Variants in VAPB observed in about 807,000 individuals in gnomAD.
VAPB encodes VAMP associated protein B and C.
A neutral mutation model predicts 25.6 loss-of-function variants in VAPB; 7 were observed. The ratio of observed to expected loss-of-function variants is 0.27; its 90% CI spans 0.16 to 0.51. The LOEUF is 0.51. Ranked by LOEUF, VAPB falls within the 20% of genes least tolerant of loss-of-function variation. VAPB has a pLI of 0.97. For synonymous variants in VAPB, 112 were observed against 109.2 expected, an observed-to-expected ratio of 1.03 and a Z score of -0.16; for missense variants, 266 against 301.3, an observed-to-expected ratio of 0.88 and a Z score of 0.87.
chr20:58,427,543 C>T (rs1206805321), intron 2 of VAPB, among the ~76,000 whole-genome samples: 6 of 150,816 alleles, frequency 4.0e-5, no homozygotes, highest in African/African-American at 9.9e-5. Context: ...CATTATGATG[C>T]AGGCAAAAGT....
chr20:58,395,569 T>A (rs182158352), intron 1 of VAPB, among the ~76,000 whole-genome samples: 2 of 152,352 alleles, frequency 1.3e-5, no homozygotes, highest in Non-Finnish European at 1.5e-5. Flanking sequence ...CAAAGAGTGC[T>A]GAGTTCCATT....
intron 1 of VAPB, among the ~76,000 whole-genome samples, chr20:58,403,090 G>A (rs948680356): frequency 6.6e-6 from 1 of 152,172 alleles, no homozygotes; most frequent in Non-Finnish European, 1.5e-5. Context: ...TGTCGGCAGG[G>A]CCCGTTATGT....
intron 2 of VAPB, among the ~76,000 whole-genome samples, chr20:58,429,580 T>C (rs192364978): frequency 1.3e-5 from 2 of 152,236 alleles, no homozygotes; most frequent in East Asian, 1.9e-4. Context: ...TTTGTGGAGG[T>C]AGAGCAAGCA....
At chr20:58,439,111 T>A (rs1238987378) in intron 4 of VAPB, 86 bp downstream of exon 4, 1 of 1,310,192 alleles carries the variant, frequency 7.6e-7, no homozygotes, top group Non-Finnish European at 1.1e-6. Context: ...AAGATTTAAG[T>A]TGGCAAATTA....
At chr20:58,412,764 T>G (rs567034022) in intron 1 of VAPB, among the ~76,000 whole-genome samples, 39 of 152,292 alleles carry the variant, frequency 2.6e-4, no homozygotes, top group African/African-American at 9.1e-4. Context: ...TTTAAATTAT[T>G]CTTTTGTAAA....
At position 58,450,793 on chromosome 20, in the gene VAPB, G is replaced by A. The variant is rs1359611416; in HGVS notation, c.*6558G>A. On this transcript the variant is annotated 3_prime_UTR_variant, in exon 6 of 6. Transcript: ENST00000475243. ...TTAGTTTTCATAATTTGTCCTTTAT[G>A]TATTTTTCATTGTATTTGCTGTTTT... 8 of 453,956 alleles carry A rather than the reference G, an allele frequency of 1.8e-5. No individual in the cohort carries two copies. The highest frequency in any genetic ancestry group is 1.6e-4 in the African/African-American group (8 of 49,992). 28.1% of individuals were successfully genotyped at this position (453,956 alleles called of 1,614,324 possible).
chr20:58,396,091 C>A (rs1426193123), intron 1 of VAPB, among the ~76,000 whole-genome samples: 1 of 151,106 alleles, frequency 6.6e-6, no homozygotes, highest in Non-Finnish European at 1.5e-5. Context: ...ATGGCATAGT[C>A]CCGTGAGAAA....
rs570273544 is a variant in VAPB at position 58,434,668 on chromosome 20, T to C, written c.278T>C (p.Met93Thr). The C allele has an allele frequency of 5.6e-6, 9 of 1,597,068 alleles. No individual in the cohort carries two copies. The African/African-American group carries it at 8.0e-5, about 14-fold the overall frequency. The change falls in exon 3 of 6, where the codon ATG becomes ACG. Residue 93 changes from methionine (M) to threonine (T), a missense_variant. Met to Thr is a moderately conservative substitution (Grantham distance 81). Around this residue, in one of 3 missense-constraint regions of VAPB, gnomAD observed 98 missense variants for 147.1 expected, o/e 0.67. Coordinates refer to ENST00000475243, the MANE Select transcript of VAPB (RefSeq NM_004738.5). Reference protein sequence around the residue: ...KSKHKFMVQSMFAPTDTSDME... With the variant: ...KSKHKFMVQSTFAPTDTSDME... Reference sequence around the variant, plus strand: ...AAACACAAGTTTATGGTTCAGTCTATGTTTGCTCCAACTGACACTTCAGAT... The same window carrying C: ...AAACACAAGTTTATGGTTCAGTCTACGTTTGCTCCAACTGACACTTCAGAT...
chr20:58,409,902 T>TACACACACACACAC (rs879524307), intron 1 of VAPB, among the ~76,000 whole-genome samples: 2 of 120,124 alleles, frequency 1.7e-5, no homozygotes. Context: ...TCTTTATTCA[T>TACACACACACACAC]ATACACACAC....
chr20:58,431,010 T>G (rs1988915723), intron 2 of VAPB: 1 of 152,250 alleles, frequency 6.6e-6, no homozygotes, highest in African/African-American at 2.4e-5. Flanking sequence ...GATATGTAGT[T>G]GGAAAAGGGG....
At chr20:58,424,231 G>C (rs546969891) in intron 2 of VAPB, among the ~76,000 whole-genome samples, 262 of 152,186 alleles carry the variant, frequency 1.7e-3, no homozygotes, top group Non-Finnish European at 3.2e-3. Context: ...CTCCAGTCTT[G>C]AATCTTGTCT....
At chr20:58,430,444 TAG>T (rs1162770168) in intron 2 of VAPB, among the ~76,000 whole-genome samples, 2 of 152,098 alleles carry the variant, frequency 1.3e-5, no homozygotes, top group Non-Finnish European at 2.9e-5. Flanking sequence ...GTATTTTCAG[TAG>T]AGACAGGTTT....
In VAPB at chr20:58,449,584, C is replaced by G; in HGVS notation, c.*5349C>G. 1 of 453,962 alleles carries G rather than the reference C, an allele frequency of 2.2e-6. No individual in the cohort carries two copies. The highest frequency in any genetic ancestry group is 4.4e-6 in the Non-Finnish European group (1 of 226,772). The allele number at this position is 453,962 out of a possible 1,614,324, so 28.1% of individuals were successfully genotyped here. A position where few individuals can be genotyped will look rare whatever the true frequency, so the allele number is the denominator to read the frequency against. ...GCAGTTATGATACCTTGGAATGTTG[C>G]CACGATATGGATTGCTTTGATTAAA... On this transcript the variant is annotated 3_prime_UTR_variant, in exon 6 of 6. Transcript: ENST00000475243.
At position 58,448,269 on chromosome 20, in the gene VAPB, G is replaced by C. The variant is rs952082210; in HGVS notation, c.*4034G>C. 2.0e-5 allele frequency: 9 copies of C among 453,954 alleles called. No individual in the cohort carries two copies. Among genetic ancestry groups the C allele is most frequent in the African/African-American group, 1.8e-4 (9 of 50,000 alleles). The allele number at this position is 453,954 out of a possible 1,614,324, so 28.1% of individuals were successfully genotyped here. ...CTTCTGGAACACCAAGAGCAGCTCT[G>C]AGATCATGCTGGCCCTACGCGAATT... is the stretch of plus-strand genomic sequence containing the variant. On this transcript the variant is annotated 3_prime_UTR_variant, in exon 6 of 6. Transcript: ENST00000475243.
intron 2 of VAPB, among the ~76,000 whole-genome samples, chr20:58,428,066 G>A (rs1481863982): frequency 6.6e-6 from 1 of 152,206 alleles, no homozygotes; most frequent in Non-Finnish European, 1.5e-5. Context: ...TGGGTTCTCA[G>A]AAGCAGCATT....
chr20:58,392,768 T>A (rs1987839138), intron 1 of VAPB, among the ~76,000 whole-genome samples: 1 of 152,252 alleles, frequency 6.6e-6, no homozygotes, highest in Non-Finnish European at 1.5e-5. Context: ...GATTGTATAT[T>A]GTCAGACTCT....
At chr20:58,390,990 G>A (rs953819755) in intron 1 of VAPB, among the ~76,000 whole-genome samples, 1 of 152,168 alleles carries the variant, frequency 6.6e-6, no homozygotes, top group African/African-American at 2.4e-5. Context: ...CAAACCTACC[G>A]TGGATTGTAA....
intron 2 of VAPB, among the ~76,000 whole-genome samples, chr20:58,418,931 G>T (rs1988609755): frequency 6.6e-6 from 1 of 152,164 alleles, no homozygotes; most frequent in Admixed American, 6.5e-5. Flanking sequence ...TCTTCTGTCT[G>T]GGAGTGCATG....
intron 2 of VAPB, among the ~76,000 whole-genome samples, chr20:58,421,323 C>T (rs1014943647): frequency 2.0e-5 from 3 of 152,126 alleles, no homozygotes; most frequent in Non-Finnish European, 4.4e-5. Flanking sequence ...TGACAAAAAC[C>T]GGCTAGTTTT....
Sources: gnomAD v4.1 joint callset for allele counts (sites outside exome capture counted in the v4.1 genomes callset) on GRCh38, gnomAD v4.1.1 for gene constraint, gnomAD v4.1.1 regional missense constraint, MANE v1.5 for transcripts, NCBI Gene and HGNC (gene_info 2026-07-23, HGNC 2026-07-21) for gene names.